FAM227A: variants seen among roughly 807,000 people sequenced by gnomAD.
FAM227A encodes the protein family with sequence similarity 227 member A, also known as protein FAM227A.
A neutral mutation model predicts 74.7 loss-of-function variants in FAM227A; 80 were observed. The ratio of observed to expected loss-of-function variants is 1.07; its 90% CI spans 0.89 to 1.29. The LOEUF (loss-of-function observed/expected upper bound fraction) is 1.29, where lower values mean the gene tolerates loss of function less well. Ranked by LOEUF, FAM227A falls within the 50% of genes most tolerant of loss-of-function variation. The pLI is 0.00. For missense variants in FAM227A, 654 were observed against 683.4 expected, an observed-to-expected ratio of 0.96 and a Z score of 0.48; for synonymous variants, 237 against 241.8, an observed-to-expected ratio of 0.98 and a Z score of 0.19.
intron 6 of FAM227A, among the ~76,000 whole-genome samples, chr22:38,629,698 C>T (rs1404004000): frequency 7.4e-6 from 1 of 135,216 alleles, no homozygotes; most frequent in African/African-American, 2.8e-5. Context: ...CTCTTCTTTA[C>T]CATCACTCAC....
intron 2 of FAM227A, among the ~76,000 whole-genome samples, chr22:38,647,136 G>A (rs961399689): frequency 1.4e-5 from 2 of 146,158 alleles, no homozygotes; most frequent in African/African-American, 2.5e-5. Flanking sequence ...GCGATGGTGC[G>A]AGACTCCATC....
chr22:38,620,123 A>C (rs2091656002), intron 11 of FAM227A, 89 bp downstream of exon 11: 1 of 890,232 alleles, frequency 1.1e-6, no homozygotes, highest in African/African-American at 1.7e-5. Context: ...TGTGCAACTA[A>C]CCGGAGGCCA....
chr22:38,601,286 G>A (rs2091172180), intron 13 of FAM227A, among the ~76,000 whole-genome samples: 1 of 152,126 alleles, frequency 6.6e-6, no homozygotes, highest in Admixed American at 6.6e-5. Context: ...AGGCTGTGAG[G>A]AGGTGAGACC....
At chr22:38,603,250 G>A (rs1244475097) in intron 13 of FAM227A, among the ~76,000 whole-genome samples, 1 of 152,126 alleles carries the variant, frequency 6.6e-6, no homozygotes, top group Non-Finnish European at 1.5e-5. Context: ...CCCTTTGGGA[G>A]GCCAAGGTGG....
chr22:38,649,832 C>T, intron 2 of FAM227A, 195 bp downstream of exon 2: 3 of 525,146 alleles, frequency 5.7e-6, no homozygotes, highest in Non-Finnish European at 9.9e-6. Context: ...TGTGCCACTG[C>T]ACTCCAGCCT....
chr22:38,605,735 G>A (rs1319726628), intron 12 of FAM227A, among the ~76,000 whole-genome samples: 4 of 152,144 alleles, frequency 2.6e-5, no homozygotes, highest in Non-Finnish European at 5.9e-5. Context: ...GAATATATAT[G>A]TAAGCTCTGG....
chr22:38,622,753 G>C (rs1213985151), intron 10 of FAM227A, among the ~76,000 whole-genome samples: 1 of 151,754 alleles, frequency 6.6e-6, no homozygotes, highest in Non-Finnish European at 1.5e-5. Context: ...GTGGGTGCCT[G>C]GGATCCCAGC....
At chr22:38,655,529 A>T (rs1012950498) in intron 1 of FAM227A, among the ~76,000 whole-genome samples, 3 of 152,152 alleles carry the variant, frequency 2.0e-5, no homozygotes, top group African/African-American at 7.2e-5. Flanking sequence ...AAAAAAAAAA[A>T]TTAAATTTTT....
intron 3 of FAM227A, among the ~76,000 whole-genome samples, chr22:38,645,096 AAAT>A (rs201100893): frequency 2.2e-4 from 30 of 139,204 alleles, no homozygotes; most frequent in Non-Finnish European, 3.7e-4. Context: ...AAAAATAAAT[AAAT>A]AAAGTTTATT....
chr22:38,597,147 C>T lies in FAM227A; in HGVS notation c.1532+57G>A, dbSNP rs1256267830. 13 of 1,505,296 alleles carry T rather than the reference C, an allele frequency of 8.6e-6. No homozygotes were observed. The East Asian group carries it at 1.2e-4, about 14-fold the overall frequency. 93.2% of individuals were successfully genotyped at this position (1,505,296 alleles called of 1,614,324 possible). A position where few individuals can be genotyped will look rare whatever the true frequency, so the allele number is the denominator to read the frequency against. ...CAACCCATTTAAAAATGATGATGAT[C>T]GTGTGCTGCAAAAGATAAGTGCGGA... On this transcript the variant is annotated intron_variant, in intron 15 of 16. Coordinates refer to ENST00000535113, the MANE Select transcript of FAM227A (RefSeq NM_001013647.2).
chr22:38,600,054 T>C, intron 13 of FAM227A, 133 bp from the exon 14 acceptor site: 1 of 854,714 alleles, frequency 1.2e-6, no homozygotes, highest in Non-Finnish European at 1.7e-6. Flanking sequence ...CCTAAGAAAA[T>C]TACTCAAAAT....
At chr22:38,620,327 G>A in intron 10 of FAM227A, 36 bp from the exon 11 acceptor site, 1 of 1,459,990 alleles carries the variant, frequency 6.8e-7, no homozygotes, top group Non-Finnish European at 9.4e-7. Flanking sequence ...AATTCCTCTT[G>A]TCATGGGACA....
Position 38,626,586 on chromosome 22 carries a change from G to A in FAM227A, c.727-283C>T, listed in dbSNP as rs910278556. On this transcript the variant is annotated intron_variant, in intron 8 of 16. Transcript: ENST00000535113. ...ACAATCTAAGAAGTAAAATGGGGCC[G>A]GGTGCGGTGGCTCACGCCTGTAATC... Among the ~76,000 whole-genome samples, 7 of 151,822 alleles carry A rather than the reference G, an allele frequency of 4.6e-5. No individual in the cohort carries two copies. The South Asian group carries it at 6.3e-4, about 14-fold the overall frequency.
In FAM227A at chr22:38,650,182, G is replaced by A; in HGVS notation, c.-14C>T. 2 of 1,550,528 alleles carry A rather than the reference G, an allele frequency of 1.3e-6. No homozygotes were observed. The highest frequency in any genetic ancestry group is 1.7e-6 in the Non-Finnish European group (2 of 1,146,510). On this transcript the variant is annotated 5_prime_UTR_variant, in exon 2 of 17. Coordinates refer to ENST00000535113, the MANE Select transcript of FAM227A (RefSeq NM_001013647.2). ...GAAGTGATTCATTGTCCAATTTCTT[G>A]TAAATGGACAAACAAAAAGCTTCCA...
chr22:38,593,085 C>T (rs1040115319), intron 15 of FAM227A, among the ~76,000 whole-genome samples: 1 of 152,236 alleles, frequency 6.6e-6, no homozygotes, highest in African/African-American at 2.4e-5. Context: ...TTAGCCTCTG[C>T]CATTCCATGG....
At position 38,628,323 on chromosome 22, in the gene FAM227A, T is replaced by G. The variant is rs1465971689; in HGVS notation, c.641A>C (p.Asn214Thr). 1 of 1,551,182 alleles carries G rather than the reference T, an allele frequency of 6.4e-7. No homozygotes were observed. The highest frequency in any genetic ancestry group is 1.4e-5 in the African/African-American group (1 of 73,050). ...CTGGGCTATCCGGTCAAACAGATTA[T>G]TCTGGAGCTCCTTGTTTGGCTGCCA... The part of the protein sequence containing the change: ...ERYQPNKELQ[N>T]NLFDRIAQHY... The change falls in exon 8 of 17, where the codon AAT (asparagine) becomes ACT (threonine). Residue 214 changes from asparagine (N) to threonine (T), a missense_variant. Physicochemically the swap from Asn to Thr is moderately conservative, Grantham distance 65. Transcript: ENST00000535113.
intron 4 of FAM227A, 88 bp from the exon 5 acceptor site, chr22:38,638,910 A>G (rs750488946): frequency 6.1e-6 from 5 of 818,852 alleles, no homozygotes; most frequent in Non-Finnish European, 9.4e-6. Flanking sequence ...TTTTCATTCC[A>G]CTTGAGCTGC....
At chr22:38,605,205 AC>A (rs779894684) in intron 13 of FAM227A, 48 bp downstream of exon 13, 23 of 1,053,350 alleles carry the variant, frequency 2.2e-5, no homozygotes, top group Non-Finnish European at 2.4e-5. Flanking sequence ...CACACCTCTC[AC>A]CCCCTTTGGA....
At chr22:38,643,132 T>C (rs1157721158) in intron 3 of FAM227A, among the ~76,000 whole-genome samples, 3 of 151,624 alleles carry the variant, frequency 2.0e-5, no homozygotes, top group Non-Finnish European at 4.4e-5. Flanking sequence ...CTAGCCAACA[T>C]GGTGAAACCC....
Sources: allele counts gnomAD v4.1 joint callset (sites outside exome capture counted in the v4.1 genomes callset), GRCh38; gene constraint gnomAD v4.1.1; transcripts MANE v1.5; gene names NCBI Gene and HGNC (gene_info 2026-07-23, HGNC 2026-07-21).